CARS2: variants seen among roughly 807,000 people sequenced by gnomAD.
The protein encoded by CARS2 is probable cysteine--tRNA ligase, mitochondrial.
A neutral mutation model predicts 68.8 loss-of-function variants in CARS2; 52 were observed. That is an observed-to-expected ratio of 0.76 (90% CI 0.61 to 0.95). The LOEUF is 0.95. Ranked by LOEUF, CARS2 falls within the 40% of genes least tolerant of loss-of-function variation. CARS2 has a pLI of 0.00. For missense variants in CARS2, 780 were observed against 754.2 expected, an observed-to-expected ratio of 1.03 and a Z score of -0.40; for synonymous variants, 314 against 303.6, an observed-to-expected ratio of 1.03 and a Z score of -0.36.
chr13:110,667,683 A>T (rs1487354364), intron 7 of CARS2, among the ~76,000 whole-genome samples: 1 of 152,212 alleles, frequency 6.6e-6, no homozygotes. Flanking sequence ...ATCCTAGTAA[A>T]GGCACTTAAT....
At chr13:110,687,864 G>A (rs2063348099) in intron 4 of CARS2, 38 bp from the exon 5 acceptor site, 1 of 1,564,220 alleles carries the variant, frequency 6.4e-7, no homozygotes, top group Non-Finnish European at 8.8e-7. Flanking sequence ...TTTCCCTCGT[G>A]AGAAGCACAG....
At chr13:110,659,949 A>T (rs2062460718) in intron 9 of CARS2, among the ~76,000 whole-genome samples, 1 of 152,184 alleles carries the variant, frequency 6.6e-6, no homozygotes, top group African/African-American at 2.4e-5. Context: ...CCAATGTTTG[A>T]TAGCATTTTA....
intron 6 of CARS2, among the ~76,000 whole-genome samples, chr13:110,681,938 G>A (rs2063168419): frequency 6.6e-6 from 1 of 152,180 alleles, no homozygotes; most frequent in Admixed American, 6.5e-5. Flanking sequence ...TGAGCAGACA[G>A]ACCACACAGG....
intron 9 of CARS2, among the ~76,000 whole-genome samples, chr13:110,655,101 C>T (rs1428344629): frequency 6.6e-6 from 1 of 152,072 alleles, no homozygotes; most frequent in Non-Finnish European, 1.5e-5. Flanking sequence ...CAAAACATTC[C>T]GAATGTGCCC....
At chr13:110,688,182 C>G (rs889869391) in intron 3 of CARS2, among the ~76,000 whole-genome samples, 164 bp from the exon 4 acceptor site, 11 of 152,180 alleles carry the variant, frequency 7.2e-5, no homozygotes, top group Non-Finnish European at 1.5e-4. Flanking sequence ...AGCGGGGGCA[C>G]TCATTTTAGG....
intron 5 of CARS2, among the ~76,000 whole-genome samples, chr13:110,686,805 G>C (rs996957953): frequency 6.6e-6 from 1 of 151,920 alleles, no homozygotes; most frequent in Non-Finnish European, 1.5e-5. Context: ...TGATCCACCC[G>C]CTTCCACCTC....
chr13:110,647,050 CCAG>C, intron 11 of CARS2, 48 bp downstream of exon 11: 3 of 1,506,650 alleles, frequency 2.0e-6, no homozygotes, highest in Non-Finnish European at 2.7e-6. Context: ...CCAGCAGCAC[CCAG>C]CAGGCCACAG....
chr13:110,669,765 G>A (rs551672410), intron 7 of CARS2, among the ~76,000 whole-genome samples: 23 of 152,214 alleles, frequency 1.5e-4, no homozygotes, highest in African/African-American at 5.1e-4. Flanking sequence ...GTGGGGCATC[G>A]CCTCACCTGT....
At chr13:110,664,880 G>T in intron 8 of CARS2, 1 of 535,138 alleles carries the variant, frequency 1.9e-6, no homozygotes, top group Non-Finnish European at 2.4e-6. Flanking sequence ...GAGACACCGA[G>T]TCTGCCAGTG....
chr13:110,647,387 C>T (rs1888286719), intron 10 of CARS2, 148 bp from the exon 11 acceptor site: 15 of 966,726 alleles, frequency 1.6e-5, no homozygotes, highest in Middle Eastern at 3.2e-4. Flanking sequence ...CCAGTGACCG[C>T]GAGTCCCTAG....
chr13:110,692,007 T>A (rs35470690), intron 3 of CARS2, among the ~76,000 whole-genome samples: 1,293 of 45,744 alleles, frequency 0.028, 15 homozygotes, highest in African/African-American at 0.054. Flanking sequence ...AAAAAAAATA[T>A]ATATATATAT....
chr13:110,706,761 AC>A (rs2139951135), upstream of CARS2, among the ~76,000 whole-genome samples: 1 of 148,832 alleles, frequency 6.7e-6, no homozygotes, highest in Admixed American at 6.7e-5. Flanking sequence ...CACAGTATGC[AC>A]CCCAGCACAC....
chr13:110,647,273 C>G, intron 10 of CARS2, 34 bp from the exon 11 acceptor site: 1 of 1,600,450 alleles, frequency 6.2e-7, no homozygotes, highest in Non-Finnish European at 8.5e-7. Context: ...GAGGCGGTGC[C>G]CACCATGCTG....
At chr13:110,713,106 T>C (rs2064055582) in intron 1 of CARS2, 11 of 1,437,430 alleles carry the variant, frequency 7.7e-6, no homozygotes, top group Non-Finnish European at 1.0e-5. Context: ...CTTGGGTTTC[T>C]AGTAGTAAGA....
At chr13:110,684,477 T>A (rs1594361326) in intron 5 of CARS2, among the ~76,000 whole-genome samples, 1 of 147,424 alleles carries the variant, frequency 6.8e-6, no homozygotes, top group Non-Finnish European at 1.5e-5. Context: ...AGCTTAGTGG[T>A]CAACCCCGAA....
At chr13:110,682,378 C>T (rs928237630) in intron 6 of CARS2, among the ~76,000 whole-genome samples, 3 of 152,138 alleles carry the variant, frequency 2.0e-5, no homozygotes, top group African/African-American at 7.2e-5. Flanking sequence ...GGACAGGGCA[C>T]CACGGCGGGG....
chr13:110,664,451 G>A (rs1381832210), intron 8 of CARS2: 1 of 354,088 alleles, frequency 2.8e-6, no homozygotes, highest in Admixed American at 6.5e-5. Context: ...CAGGAGGTTG[G>A]GCCTAGAGTG....
In CARS2 at chr13:110,642,384, T is replaced by C; in HGVS notation, c.1554A>G (p.Glu518=). The C allele has an allele frequency of 1.3e-6, 2 of 1,565,460 alleles. No homozygotes were observed. Among genetic ancestry groups the C allele is most frequent in the Non-Finnish European group, 1.7e-6 (2 of 1,154,708 alleles). ...TGDARRQQLL[E]RQPLLEACDT... ...CGCATGCTTCCAGCAGGGGCTGCCT[T>C]TCTAGGAGCTGCTGCCGCCGGGCGT... Residue 518 remains glutamate, a synonymous_variant, in exon 14 of 15, where the codon GAA becomes GAG. Coordinates refer to ENST00000257347, the MANE Select transcript of CARS2 (RefSeq NM_024537.4).
chr13:110,665,154 C>G lies in CARS2; in HGVS notation c.920-1636G>C, dbSNP rs2062613657. The G allele has an allele frequency of 1.0e-6, 1 of 985,248 alleles. No individual in the cohort carries two copies. Among genetic ancestry groups the G allele is most frequent in the African/African-American group, 1.7e-5 (1 of 57,224 alleles). The allele number at this position is 985,248 out of a possible 1,614,324, so 61.0% of individuals were successfully genotyped here. ...GTAAAAAATCACTGAAAAATAGCCA[C>G]AAAACTTTCCCACCACGTGCAGTGG... On this transcript the variant is annotated intron_variant, in intron 8 of 14. Coordinates refer to ENST00000257347, the MANE Select transcript of CARS2 (RefSeq NM_024537.4). The surrounding 1 kb of genome is among the most constrained non-coding windows in gnomAD (Gnocchi z 4.3).
Sources: gnomAD v4.1 joint callset for allele counts (sites outside exome capture counted in the v4.1 genomes callset) on GRCh38, gnomAD v4.1.1 for gene constraint, Gnocchi (gnomAD v3.1) non-coding constraint, MANE v1.5 for transcripts, NCBI Gene and HGNC (gene_info 2026-07-23, HGNC 2026-07-21) for gene names.